Variants in SEMA3A observed in about 807,000 individuals in gnomAD.
SEMA3A encodes the protein semaphorin-3A.
In SEMA3A, 29 loss-of-function variants were observed where a neutral mutation model predicts 97.9. The observed-to-expected ratio is 0.30, with a 90% CI of 0.22 to 0.40. The LOEUF is 0.40. Ranked by LOEUF, SEMA3A falls within the 10% of genes least tolerant of loss-of-function variation. The pLI, the probability that SEMA3A is intolerant of heterozygous loss-of-function variation, is 1.00. For synonymous variants in SEMA3A, 321 were observed against 323.7 expected, an observed-to-expected ratio of 0.99 and a Z score of 0.09; for missense variants, 763 against 951.3, an observed-to-expected ratio of 0.80 and a Z score of 2.60.
At chr7:83,972,496 T>C (rs983845828) in intron 15 of SEMA3A, among the ~76,000 whole-genome samples, 1 of 152,052 alleles carries the variant, frequency 6.6e-6, no homozygotes, top group Non-Finnish European at 1.5e-5. Context: ...AGAGCAAAAT[T>C]ACCATAGGAA....
At chr7:84,343,867 G>T (rs146756694) in intron 2 of SEMA3A, among the ~76,000 whole-genome samples, 1 of 152,140 alleles carries the variant, frequency 6.6e-6, no homozygotes, top group East Asian at 1.9e-4. Flanking sequence ...ACAGTCACGT[G>T]TGGTGGCATG....
chr7:84,242,930 A>C (rs1362141033), intron 3 of SEMA3A, among the ~76,000 whole-genome samples: 29 of 151,926 alleles, frequency 1.9e-4, no homozygotes, highest in Admixed American at 1.9e-3. Context: ...TATGTGATGG[A>C]TTATGTTTAT....
intron 13 of SEMA3A, among the ~76,000 whole-genome samples, chr7:83,981,908 C>T (rs186905778): frequency 6.6e-6 from 1 of 152,192 alleles, no homozygotes; most frequent in Non-Finnish European, 1.5e-5. Flanking sequence ...TATTGTATTG[C>T]CTGTGATGGA....
intron 2 of SEMA3A, among the ~76,000 whole-genome samples, chr7:84,365,608 G>A (rs1245578793): frequency 2.0e-5 from 3 of 151,386 alleles, no homozygotes; most frequent in Non-Finnish European, 1.5e-5. Flanking sequence ...TGATCTGCTT[G>A]TTTAAACTGG....
intron 15 of SEMA3A, among the ~76,000 whole-genome samples, chr7:83,969,970 C>T (rs1034848979): frequency 5.9e-5 from 9 of 152,144 alleles, no homozygotes; most frequent in African/African-American, 2.2e-4. Flanking sequence ...ATAAATTTCA[C>T]ACTTAGAAAG....
intron 1 of SEMA3A, among the ~76,000 whole-genome samples, chr7:84,150,437 G>C (rs1232722221): frequency 6.6e-6 from 1 of 152,218 alleles, no homozygotes; most frequent in East Asian, 1.9e-4. Flanking sequence ...GGAAGCGCAA[G>C]GGGTCCGGGA....
At position 84,129,017 on chromosome 7, in the gene SEMA3A, C is replaced by G. The variant is rs1203422844; in HGVS notation, c.333+106G>C. On this transcript the variant is annotated intron_variant, in intron 3 of 16. Coordinates refer to ENST00000265362, the MANE Select transcript of SEMA3A (RefSeq NM_006080.3). ...TATATATATGAAAAGATTCTAACCCCTTCCCCACACACACAAAAAAATCAG... is the reference window on the plus strand; with the variant it reads ...TATATATATGAAAAGATTCTAACCCGTTCCCCACACACACAAAAAAATCAG... 2.2e-5 allele frequency: 18 copies of G among 813,038 alleles called. 1 individual carries two copies. The South Asian group carries it at 2.4e-4, about 11-fold the overall frequency. 50.4% of individuals were successfully genotyped at this position (813,038 alleles called of 1,614,324 possible). A position where few individuals can be genotyped will look rare whatever the true frequency, so the allele number is the denominator to read the frequency against.
intron 1 of SEMA3A, among the ~76,000 whole-genome samples, chr7:84,479,724 T>C (rs1183883177): frequency 1.3e-5 from 2 of 152,154 alleles, no homozygotes; most frequent in African/African-American, 4.8e-5. Flanking sequence ...CAATCCCAAA[T>C]AATGTGAATA....
chr7:84,053,186 C>A (rs1037294499), intron 5 of SEMA3A, among the ~76,000 whole-genome samples: 3 of 123,732 alleles, frequency 2.4e-5, no homozygotes, highest in African/African-American at 7.9e-5. Flanking sequence ...AATGTATATT[C>A]TGTTGATTTG....
At chr7:84,360,674 A>G (rs1365174740) in intron 2 of SEMA3A, among the ~76,000 whole-genome samples, 1 of 152,124 alleles carries the variant, frequency 6.6e-6, no homozygotes, top group Non-Finnish European at 1.5e-5. Flanking sequence ...CTATTATACA[A>G]GATGCTGCTA....
intron 3 of SEMA3A, among the ~76,000 whole-genome samples, chr7:84,216,812 A>G (rs1031580490): frequency 2.0e-5 from 3 of 152,154 alleles, no homozygotes; most frequent in African/African-American, 7.2e-5. Flanking sequence ...AGCATTTAAT[A>G]AAAAGGAATG....
chr7:84,225,203 T>C (rs1798963068), intron 3 of SEMA3A, among the ~76,000 whole-genome samples: 2 of 152,126 alleles, frequency 1.3e-5, no homozygotes, highest in South Asian at 2.1e-4. Flanking sequence ...TTGCACATAG[T>C]GTAAAGAGAG....
exon 1 of SEMA3A, chr7:84,492,631 C>T (rs1442349987): frequency 6.6e-6 from 1 of 152,108 alleles, no homozygotes; most frequent in African/African-American, 2.4e-5. Context: ...AGTCAAGACA[C>T]AGCACTAAAC....
chr7:84,425,787 A>G (rs768940748), intron 1 of SEMA3A, among the ~76,000 whole-genome samples: 8 of 149,008 alleles, frequency 5.4e-5, no homozygotes, highest in Non-Finnish European at 1.0e-4. Context: ...CCTGGCCAAT[A>G]TGGTGAAACC....
intron 12 of SEMA3A, among the ~76,000 whole-genome samples, chr7:83,990,872 T>C (rs1453088449): frequency 6.6e-6 from 1 of 151,760 alleles, no homozygotes; most frequent in East Asian, 2.0e-4. Context: ...ATTGGTAGCT[T>C]GATGGGGATG....
chr7:84,434,526 C>A (rs1275100982), intron 1 of SEMA3A, among the ~76,000 whole-genome samples: 1 of 152,084 alleles, frequency 6.6e-6, no homozygotes, highest in Non-Finnish European at 1.5e-5. Context: ...GCCAGAACCA[C>A]CCTGATACCA....
At chr7:84,196,323 A>G (rs1321278301), upstream of SEMA3A, among the ~76,000 whole-genome samples, 1 of 151,978 alleles carries the variant, frequency 6.6e-6, no homozygotes, top group African/African-American at 2.4e-5. Flanking sequence ...ACAGACCAAT[A>G]GAGAAAGCAC....
Position 84,028,783 on chromosome 7 carries a change from A to T in SEMA3A, c.668-14432T>A, listed in dbSNP as rs113175586. Among the ~76,000 whole-genome samples, 22 of 150,304 alleles carry T rather than the reference A, an allele frequency of 1.5e-4. 1 individual carries two copies. Among genetic ancestry groups the T allele is most frequent in the Admixed American group, 1.0e-3 (15 of 15,056 alleles). On this transcript the variant is annotated intron_variant, in intron 6 of 16. Coordinates refer to ENST00000265362, the MANE Select transcript of SEMA3A (RefSeq NM_006080.3). ...CCACCCCCTGCTAATTTTTATTTTT[A>T]TTTTTTTTTGTATTTTTAGTAGAGA...
chr7:84,356,677 A>G (rs1392878758), intron 2 of SEMA3A, among the ~76,000 whole-genome samples: 2 of 151,960 alleles, frequency 1.3e-5, no homozygotes, highest in African/African-American at 4.8e-5. Flanking sequence ...TTTTTTTGAT[A>G]TAAAGTAAAC....
Sources: allele counts gnomAD v4.1 joint callset (sites outside exome capture counted in the v4.1 genomes callset), GRCh38; gene constraint gnomAD v4.1.1; transcripts MANE v1.5; gene names NCBI Gene and HGNC (gene_info 2026-07-23, HGNC 2026-07-21).